Variants in PCMTD1 observed in about 807,000 individuals in gnomAD.
The protein encoded by PCMTD1 is protein-L-isoaspartate O-methyltransferase domain-containing protein 1.
Under a neutral mutation model 37.6 loss-of-function variants are expected in PCMTD1, and 12 were observed. That is an observed-to-expected ratio of 0.32 (90% CI 0.20 to 0.52). The LOEUF is 0.52. Among genes scored for constraint, PCMTD1 ranks in the 20% least tolerant of loss-of-function variants. The probability of loss-of-function intolerance (pLI) is 0.97; values close to 1 mark genes in which losing one functional copy is unlikely to be tolerated. For synonymous variants in PCMTD1, 117 were observed against 135.8 expected (o/e 0.86, Z 0.96); for missense variants, 235 against 421.3 (o/e 0.56, Z 3.87).
chr8:51,833,416 T>G, intron 4 of PCMTD1, 102 bp downstream of exon 4: 1 of 921,186 alleles, frequency 1.1e-6, no homozygotes, highest in Non-Finnish European at 1.6e-6. Context: ...AGTAATTTTT[T>G]CTTTAAAAGT....
At chr8:51,851,187 G>A (rs771303497) in intron 2 of PCMTD1, among the ~76,000 whole-genome samples, 4 of 152,288 alleles carry the variant, frequency 2.6e-5, no homozygotes, top group South Asian at 2.1e-4. Context: ...AATAAGATCA[G>A]ACCTTGTTAT....
At chr8:51,882,830 AAAAG>A (rs1229141903) in intron 1 of PCMTD1, among the ~76,000 whole-genome samples, 2 of 151,318 alleles carry the variant, frequency 1.3e-5, no homozygotes, top group Non-Finnish European at 2.9e-5. Flanking sequence ...AAAAAAAAAA[AAAAG>A]AAATAAAAAA....
intron 2 of PCMTD1, among the ~76,000 whole-genome samples, chr8:51,857,953 C>G (rs1262461671): frequency 1.3e-5 from 2 of 152,060 alleles, no homozygotes; most frequent in Non-Finnish European, 2.9e-5. Context: ...GACCGTGTCA[C>G]CACGCTCCAG....
intron 1 of PCMTD1, among the ~76,000 whole-genome samples, chr8:51,894,433 A>G (rs1462056985): frequency 1.3e-5 from 2 of 152,202 alleles, no homozygotes; most frequent in East Asian, 1.9e-4. Context: ...AAGAACACAG[A>G]CTTGGAAGAA....
At chr8:51,831,596 G>T (rs2037999244) in intron 4 of PCMTD1, 29 bp from the exon 5 acceptor site, 1 of 1,595,064 alleles carries the variant, frequency 6.3e-7, no homozygotes, top group South Asian at 1.1e-5. Flanking sequence ...GAAAGAAAGT[G>T]AACAACTTAA....
intron 2 of PCMTD1, among the ~76,000 whole-genome samples, chr8:51,850,529 C>A (rs1453360952): frequency 1.3e-5 from 2 of 152,154 alleles, no homozygotes; most frequent in Non-Finnish European, 2.9e-5. Context: ...TGGGGCTGAG[C>A]AGTACTAGCC....
chr8:51,868,789 T>A (rs1437303930), intron 1 of PCMTD1, among the ~76,000 whole-genome samples: 1 of 152,220 alleles, frequency 6.6e-6, no homozygotes. Flanking sequence ...AAATTACCTT[T>A]TTATTATACT....
In PCMTD1 at chr8:51,825,471, G is replaced by C. The variant is rs1310233210; in HGVS notation, c.707-4753C>G. On this transcript the variant is annotated intron_variant, in intron 5 of 5. Coordinates refer to ENST00000522514, the MANE Select transcript of PCMTD1 (RefSeq NM_052937.4). ...GCACTTTGGGAGGCCGAGGCGGGTGGATCATGAGGTCAGGAGATCGAGACC... is the reference window on the plus strand; with the variant it reads ...GCACTTTGGGAGGCCGAGGCGGGTGCATCATGAGGTCAGGAGATCGAGACC... Among the ~76,000 whole-genome samples the C allele has an allele frequency of 4.2e-5, 2 of 47,778 alleles. 1 individual carries two copies. Among genetic ancestry groups the C allele is most frequent in the South Asian group, 2.3e-3 (2 of 882 alleles). The allele number at this position is 47,778 out of a possible 152,430, so 31.3% of individuals were successfully genotyped here.
intron 3 of PCMTD1, among the ~76,000 whole-genome samples, chr8:51,834,677 A>G (rs1338954091): frequency 6.6e-6 from 1 of 152,170 alleles, no homozygotes; most frequent in Non-Finnish European, 1.5e-5. Flanking sequence ...TTTGAATCAC[A>G]ATCATTTTTA....
chr8:51,857,548 G>A (rs113404251), intron 2 of PCMTD1, among the ~76,000 whole-genome samples: 1,624 of 152,258 alleles, frequency 0.011, 19 homozygotes, highest in South Asian at 0.018. Flanking sequence ...AATACAGGAC[G>A]TGGGAGGCTG....
intron 3 of PCMTD1, among the ~76,000 whole-genome samples, chr8:51,842,930 AT>A: frequency 6.6e-6 from 1 of 152,258 alleles, no homozygotes; most frequent in Non-Finnish European, 1.5e-5. Context: ...ATGGCAATTA[AT>A]TTTCCTCAGT....
At chr8:51,895,706 G>A (rs545606054) in intron 1 of PCMTD1, among the ~76,000 whole-genome samples, 9 of 152,134 alleles carry the variant, frequency 5.9e-5, no homozygotes, top group African/African-American at 1.9e-4. Context: ...AACGTCTTTA[G>A]GGGGCTGAAA....
At chr8:51,821,507 T>C (rs1042853945) in intron 5 of PCMTD1, among the ~76,000 whole-genome samples, 1 of 152,176 alleles carries the variant, frequency 6.6e-6, no homozygotes, top group Non-Finnish European at 1.5e-5. Flanking sequence ...CACTAAGTTA[T>C]TTAACATTCA....
At chr8:51,892,638 G>C (rs2038951854) in intron 1 of PCMTD1, among the ~76,000 whole-genome samples, 1 of 152,156 alleles carries the variant, frequency 6.6e-6, no homozygotes, top group Non-Finnish European at 1.5e-5. Flanking sequence ...AGGGAATATA[G>C]TTAAATCAAT....
chr8:51,819,269 G>A lies in PCMTD1; in HGVS notation c.*1082C>T, dbSNP rs555398288. On this transcript the variant is annotated 3_prime_UTR_variant, in exon 6 of 6. Coordinates refer to ENST00000522514, the MANE Select transcript of PCMTD1 (RefSeq NM_052937.4). ...TTCTGAACAGCATTTTCAAAACAAA[G>A]GGTATCTACATACAATTTCTGTGAA... is the stretch of plus-strand genomic sequence containing the variant. 1.9e-4 allele frequency: 29 copies of A among 151,858 alleles called. No individual in the cohort carries two copies. Among genetic ancestry groups the A allele is most frequent in the African/African-American group, 7.0e-4 (29 of 41,344 alleles). 9.4% of individuals were successfully genotyped at this position (151,858 alleles called of 1,614,324 possible).
chr8:51,830,399 C>T (rs2037981515), intron 5 of PCMTD1, among the ~76,000 whole-genome samples: 1 of 152,206 alleles, frequency 6.6e-6, no homozygotes, highest in South Asian at 2.1e-4. Flanking sequence ...TCAGACCTTT[C>T]TATGCCTATT....
At position 51,828,346 on chromosome 8, in the gene PCMTD1, G is replaced by T. The variant is rs540202621; in HGVS notation, c.706+3098C>A. Among the ~76,000 whole-genome samples, 3 of 152,254 alleles carry T rather than the reference G, an allele frequency of 2.0e-5. No homozygotes were observed. The South Asian group carries it at 6.2e-4, about 32-fold the overall frequency. ...AAACTAGGAAGGAGAAAACAGTTTTGTTACTATTGTTGCAAGAAGTAGGGA... is the reference window on the plus strand; with the variant it reads ...AAACTAGGAAGGAGAAAACAGTTTTTTTACTATTGTTGCAAGAAGTAGGGA... On this transcript the variant is annotated intron_variant, in intron 5 of 5. Transcript: ENST00000522514.
intron 1 of PCMTD1, 123 bp downstream of exon 1, chr8:51,898,807 G>C: frequency 5.3e-6 from 4 of 754,058 alleles, no homozygotes; most frequent in Middle Eastern, 6.2e-4. Context: ...CCCTGCCCCC[G>C]ACTCTTCGGC....
intron 5 of PCMTD1, among the ~76,000 whole-genome samples, chr8:51,830,995 A>AC (rs1349529892): frequency 1.4e-5 from 1 of 69,472 alleles, no homozygotes; most frequent in Admixed American, 1.7e-4. Flanking sequence ...GCTTTATTTT[A>AC]CCAAAAAAAA....
Sources: allele counts gnomAD v4.1 joint callset (sites outside exome capture counted in the v4.1 genomes callset), GRCh38; gene constraint gnomAD v4.1.1; transcripts MANE v1.5; gene names NCBI Gene and HGNC (gene_info 2026-07-23, HGNC 2026-07-21).